Variants in FER1L5 observed in about 807,000 individuals in gnomAD.
The protein encoded by FER1L5 is fer-1-like protein 5.
FER1L5 carries 187 observed loss-of-function variants against 279.9 expected under a neutral mutation model. That is an observed-to-expected ratio of 0.67 (90% CI 0.59 to 0.75). The LOEUF is 0.75. Among genes scored for constraint, FER1L5 ranks in the 30% least tolerant of loss-of-function variants. The pLI is 0.00. For missense variants in FER1L5, 2,091 were observed against 2,594.4 expected, an observed-to-expected ratio of 0.81 and a Z score of 4.21; for synonymous variants, 921 against 989.7, an observed-to-expected ratio of 0.93 and a Z score of 1.30.
At chr2:96,650,423 T>A in intron 6 of FER1L5, 134 bp downstream of exon 6, 2 of 711,662 alleles carry the variant, frequency 2.8e-6, no homozygotes. Flanking sequence ...GGCCCTCAGA[T>A]CCTTGCCACA....
chr2:96,691,590 T>C lies in FER1L5; in HGVS notation c.3053T>C (p.Ile1018Thr). 1 of 1,538,494 alleles carries C rather than the reference T, an allele frequency of 6.5e-7. No homozygotes were observed. ...AACAAGGACAAGGGCATCGCGCCCATATTCCTCCTGGAGGGGTCCTTGGTA... is the reference window on the plus strand; with the variant it reads ...AACAAGGACAAGGGCATCGCGCCCACATTCCTCCTGGAGGGGTCCTTGGTA... ...APNKDKGIAP[I>T]FLLEGSLAMD... Residue 1018 changes from isoleucine (I) to threonine (T), a missense_variant, in exon 29 of 53, where the codon ATA becomes ACA. By Grantham distance (89) the Ile-to-Thr change is moderately conservative. Transcript: ENST00000624922. The surrounding 1 kb of genome is among the most constrained non-coding windows in gnomAD (Gnocchi z 6.0).
intron 6 of FER1L5, among the ~76,000 whole-genome samples, chr2:96,650,981 C>T (rs1044046729): frequency 6.6e-6 from 1 of 152,240 alleles, no homozygotes; most frequent in Non-Finnish European, 1.5e-5. Context: ...TCCTGAACCC[C>T]CCAGCCTCCA....
At chr2:96,683,226 G>A (rs544737075) in intron 19 of FER1L5, among the ~76,000 whole-genome samples, 13 of 152,282 alleles carry the variant, frequency 8.5e-5, no homozygotes, top group Non-Finnish European at 1.8e-4. Flanking sequence ...TCTTTCATAG[G>A]TCTGGAGGCC....
In FER1L5 at chr2:96,691,398, G is replaced by T; in HGVS notation, c.2907+45G>T. ...CCTGGCTGGGACTGCGGGCAGGGCCGCCTTGGCTGCTGCAGGAACACAACC... is the reference window on the plus strand; with the variant it reads ...CCTGGCTGGGACTGCGGGCAGGGCCTCCTTGGCTGCTGCAGGAACACAACC... On this transcript the variant is annotated intron_variant, in intron 28 of 52. Coordinates refer to ENST00000624922, the MANE Select transcript of FER1L5 (RefSeq NM_001293083.2). This position sits in a 1 kb window ranked among gnomAD's most constrained non-coding sequence, Gnocchi z 6.0. The T allele has an allele frequency of 6.5e-7, 1 of 1,536,180 alleles. No individual in the cohort carries two copies. Among genetic ancestry groups the T allele is most frequent in the Non-Finnish European group, 8.8e-7 (1 of 1,137,272 alleles).
chr2:96,670,444 G>A (rs1437568939), intron 18 of FER1L5, among the ~76,000 whole-genome samples, 197 bp downstream of exon 18: 2 of 152,092 alleles, frequency 1.3e-5, no homozygotes, highest in African/African-American at 4.8e-5. Context: ...CCCGGTGGTT[G>A]GGGGACCCTG....
rs759986146 is a variant in FER1L5, at chr2:96,703,316, G to A, written c.5661G>A (p.Gln1887=). The change falls in exon 50 of 53, where the codon CAG becomes CAA. Residue 1887 remains glutamine, a synonymous_variant. Transcript: ENST00000624922. ...KKTVTGWWPC[Q]VLDGGKWRLS... is the part of the protein sequence containing the mutation. ...CTGTGACTGGCTGGTGGCCTTGCCA[G>A]GTCCTCGATGGTGGCAAATGGCGCT... is the stretch of plus-strand genomic sequence containing the variant. The A allele has an allele frequency of 1.9e-6, 3 of 1,612,098 alleles. No individual in the cohort carries two copies. Among genetic ancestry groups the A allele is most frequent in the Non-Finnish European group, 2.5e-6 (3 of 1,179,070 alleles).
chr2:96,679,343 C>T (rs2076629713), intron 19 of FER1L5, among the ~76,000 whole-genome samples: 1 of 152,146 alleles, frequency 6.6e-6, no homozygotes, highest in African/African-American at 2.4e-5. Flanking sequence ...CCTGCCTCAG[C>T]CTCCTGAGTA....
rs372367151 is a variant in FER1L5, at chr2:96,679,644, G to T, written c.1670-4683G>T. On this transcript the variant is annotated intron_variant, in intron 19 of 52. Coordinates refer to ENST00000624922, the MANE Select transcript of FER1L5 (RefSeq NM_001293083.2). ...GTTAAAAAGACCATCCTTTCCTCATGTGTTTTCCTAGGTTACATGTTAAAA... is the reference window on the plus strand; with the variant it reads ...GTTAAAAAGACCATCCTTTCCTCATTTGTTTTCCTAGGTTACATGTTAAAA... Among the ~76,000 whole-genome samples, 23 of 152,292 alleles carry T rather than the reference G, an allele frequency of 1.5e-4. No homozygotes were observed. In the South Asian group the frequency reaches 4.8e-3, roughly 32 times the overall value.
intron 9 of FER1L5, among the ~76,000 whole-genome samples, chr2:96,658,758 T>C (rs564023141): frequency 1.3e-5 from 2 of 152,086 alleles, no homozygotes; most frequent in Admixed American, 1.3e-4. Flanking sequence ...ATTTAAACCT[T>C]CCTAACGACT....
chr2:96,659,322 C>CTTCCTTCCTTCCTTCCTTCA (rs2075751077), intron 9 of FER1L5, among the ~76,000 whole-genome samples: 1 of 67,926 alleles, frequency 1.5e-5, no homozygotes, highest in Non-Finnish European at 2.9e-5. Context: ...TCCTTCCTTC[C>CTTCCTTCCTTCCTTCCTTCA]TTCCTTCCTT....
At chr2:96,654,015 A>C in intron 8 of FER1L5, 1 of 401,910 alleles carries the variant, frequency 2.5e-6, no homozygotes, top group Non-Finnish European at 4.5e-6. Context: ...CCCTAACCAA[A>C]GGGAGCCAGT....
chr2:96,695,439 T>C, intron 34 of FER1L5, 70 bp from the exon 35 acceptor site: 1 of 1,494,990 alleles, frequency 6.7e-7, no homozygotes, highest in East Asian at 2.5e-5. Flanking sequence ...TCAGCCCCCT[T>C]CTCTGGCCAG....
chr2:96,702,149 A>T lies in FER1L5; in HGVS notation c.5159+106A>T. ...CTGAGCTGCAGTAATTCGTTTCTCTATTGGGAAGAGAGGAAGCTCTACTGG... is the reference window on the plus strand; with the variant it reads ...CTGAGCTGCAGTAATTCGTTTCTCTTTTGGGAAGAGAGGAAGCTCTACTGG... On this transcript the variant is annotated intron_variant, in intron 46 of 52. Coordinates refer to ENST00000624922, the MANE Select transcript of FER1L5 (RefSeq NM_001293083.2). The surrounding 1 kb of genome is among the most constrained non-coding windows in gnomAD (Gnocchi z 4.0). 2 of 1,570,392 alleles carry T rather than the reference A, an allele frequency of 1.3e-6. No homozygotes were observed. The highest frequency in any genetic ancestry group is 1.7e-6 in the Non-Finnish European group (2 of 1,153,006).
intron 7 of FER1L5, chr2:96,653,061 AC>A (rs2075447186): frequency 6.5e-6 from 1 of 153,336 alleles, no homozygotes; most frequent in Non-Finnish European, 1.5e-5. Context: ...TTGTAAAAAT[AC>A]AAAAATTAGC....
At chr2:96,679,841 C>G (rs1321753758) in intron 19 of FER1L5, among the ~76,000 whole-genome samples, 4 of 152,140 alleles carry the variant, frequency 2.6e-5, no homozygotes, top group Admixed American at 2.6e-4. Flanking sequence ...TTCCATGCCC[C>G]TCACTGAATT....
rs747204395 is a variant in FER1L5 at position 96,704,675 on chromosome 2, C to T, written c.6157C>T (p.Pro2053Ser). 2 of 1,613,862 alleles carry T rather than the reference C, an allele frequency of 1.2e-6. No homozygotes were observed. Among genetic ancestry groups the T allele is most frequent in the African/African-American group, 2.7e-5 (2 of 74,930 alleles). ...NHLSDIFPEL[P>S]APGD ...CCTGAGTGATATTTTCCCAGAACTT[C>T]CAGCCCCAGGAGACTAATTAGTCCA... Residue 2053 changes from proline to serine, a missense_variant, in exon 53 of 53, where the codon CCA becomes TCA. Pro to Ser is a moderately conservative substitution (Grantham distance 74). Coordinates refer to ENST00000624922, the MANE Select transcript of FER1L5 (RefSeq NM_001293083.2).
At chr2:96,676,631 GTT>G (rs78893053) in intron 19 of FER1L5, among the ~76,000 whole-genome samples, 3 of 114,780 alleles carry the variant, frequency 2.6e-5, no homozygotes, top group East Asian at 2.6e-4. Flanking sequence ...GGTATTTTTT[GTT>G]TTTTTTTTTT....
At chr2:96,674,567 A>C (rs1348171052) in intron 19 of FER1L5, among the ~76,000 whole-genome samples, 1 of 152,196 alleles carries the variant, frequency 6.6e-6, no homozygotes, top group Non-Finnish European at 1.5e-5. Context: ...CAGACATATC[A>C]TATATGGAAC....
rs896379586 is a variant in FER1L5, at chr2:96,647,955, C to T, written c.339+69C>T. The T allele has an allele frequency of 4.7e-6, 6 of 1,266,606 alleles. No individual in the cohort carries two copies. The African/African-American group carries it at 7.4e-5, about 16-fold the overall frequency. 78.5% of individuals were successfully genotyped at this position (1,266,606 alleles called of 1,614,324 possible). ...TGAGGGGAGCTGGTGAAGCGGCCCA[C>T]ACCACAAGAGTGCTTCCTGCTTGGG... On this transcript the variant is annotated intron_variant, in intron 4 of 52. Transcript: ENST00000624922.
Sources: allele counts gnomAD v4.1 joint callset (sites outside exome capture counted in the v4.1 genomes callset), GRCh38; gene constraint gnomAD v4.1.1; non-coding constraint Gnocchi (gnomAD v3.1); transcripts MANE v1.5; gene names NCBI Gene and HGNC (gene_info 2026-07-23, HGNC 2026-07-21).